SLC44A1: variants seen among roughly 807,000 people sequenced by gnomAD.
SLC44A1 encodes choline transporter-like protein 1.
SLC44A1 carries 26 observed loss-of-function variants against 79.3 expected under a neutral mutation model. That is an observed-to-expected ratio of 0.33 (90% confidence interval 0.24 to 0.46). SLC44A1 has a LOEUF of 0.46. Ranked by LOEUF, SLC44A1 falls within the 20% of genes least tolerant of loss-of-function variation. The pLI, the probability that SLC44A1 is intolerant of heterozygous loss-of-function variation, is 1.00. For synonymous variants in SLC44A1, 263 were observed against 286.2 expected, an observed-to-expected ratio of 0.92 and a Z score of 0.82; for missense variants, 688 against 798.1, an observed-to-expected ratio of 0.86 and a Z score of 1.66.
intron 4 of SLC44A1, among the ~76,000 whole-genome samples, chr9:105,338,181 A>T (rs1826981402): frequency 6.6e-6 from 1 of 152,228 alleles, no homozygotes; most frequent in African/African-American, 2.4e-5. Context: ...GTAAAATTAT[A>T]TCAGAGAGAG....
At chr9:105,429,551 C>T (rs1173762225) in intron 15 of SLC44A1, among the ~76,000 whole-genome samples, 1 of 152,190 alleles carries the variant, frequency 6.6e-6, no homozygotes, top group African/African-American at 2.4e-5. Flanking sequence ...TATCCTCCTG[C>T]GTTGACCTCT....
At chr9:105,404,500 A>T (rs999436272) in intron 15 of SLC44A1, among the ~76,000 whole-genome samples, 1 of 152,178 alleles carries the variant, frequency 6.6e-6, no homozygotes, top group Non-Finnish European at 1.5e-5. Context: ...AAAAGCACTG[A>T]TGTAGGATTT....
chr9:105,348,348 C>G lies in SLC44A1; in HGVS notation c.407-10C>G, dbSNP rs1827302264. On this transcript the variant is annotated splice_polypyrimidine_tract_variant and intron_variant, in intron 4 of 15. Transcript: ENST00000374720. ...TGTTCTGCCACCTAACATAATTTTT[C>G]TTTCAACAGGTTCAGCCCTATGTAG... The G allele has an allele frequency of 1.3e-6, 2 of 1,533,340 alleles. No homozygotes were observed. Among genetic ancestry groups the G allele is most frequent in the Non-Finnish European group, 1.8e-6 (2 of 1,113,036 alleles). The allele number at this position is 1,533,340 out of a possible 1,614,324, so 95.0% of individuals were successfully genotyped here.
chr9:105,417,246 CT>C lies in SLC44A1; in HGVS notation c.1951-21034del, dbSNP rs1329415021. ...ATGAAATAAACCAATTCATTGTTTT[CT>C]GCATAATTTCACATGCTTTTAAAAT... On this transcript the variant is annotated intron_variant, in intron 15 of 15. Coordinates refer to the SLC44A1 transcript ENST00000374724. 3.9e-5 allele frequency among the ~76,000 whole-genome samples: 6 copies of C among 152,292 alleles called. 1 individual carries two copies. Among genetic ancestry groups the C allele is most frequent in the South Asian group, 4.1e-4 (2 of 4,824 alleles).
Position 105,438,314 on chromosome 9 carries a change from A to T in SLC44A1, c.*19A>T, listed in dbSNP as rs772388330. On this transcript the variant is annotated 3_prime_UTR_variant, in exon 16 of 16. Transcript: ENST00000374724. ...AAGGTGACTGGTCTCATGAGCCCTGAAGAATGAACTCAGAGGAGGTTGTTT... is the reference window on the plus strand; with the variant it reads ...AAGGTGACTGGTCTCATGAGCCCTGTAGAATGAACTCAGAGGAGGTTGTTT... 5 of 1,549,090 alleles carry T rather than the reference A, an allele frequency of 3.2e-6. No individual in the cohort carries two copies. In the South Asian group the frequency reaches 6.0e-5, roughly 18 times the overall value.
At chr9:105,281,003 G>A (rs1830337500) in intron 1 of SLC44A1, among the ~76,000 whole-genome samples, 2 of 152,180 alleles carry the variant, frequency 1.3e-5, no homozygotes, top group Non-Finnish European at 2.9e-5. Flanking sequence ...CCAGCCCACC[G>A]AGGTGAACCT....
At position 105,392,541 on chromosome 9, in the gene SLC44A1, AG is replaced by A. The variant is rs1828789569; in HGVS notation, c.*3490del. On this transcript the variant is annotated 3_prime_UTR_variant, in exon 16 of 16. Coordinates refer to ENST00000374720, the MANE Select transcript of SLC44A1 (RefSeq NM_080546.5). ...GGCAGTTTTAGGATTTCACCCTAGT[AG>A]GGGGTATGAGGCACTGACCCCTTTA... is the stretch of plus-strand genomic sequence containing the variant. The A allele has an allele frequency of 1.5e-5, 15 of 984,044 alleles. No individual in the cohort carries two copies. The highest frequency in any genetic ancestry group is 1.8e-5 in the Non-Finnish European group (15 of 829,772). 61.0% of individuals were successfully genotyped at this position (984,044 alleles called of 1,614,324 possible).
chr9:105,353,432 GA>G (rs34301462), intron 5 of SLC44A1, among the ~76,000 whole-genome samples: 15,179 of 151,646 alleles, frequency 0.1, 1,936 homozygotes, highest in African/African-American at 0.3. Context: ...AATTTGAAAA[GA>G]AAAAAAACAC....
Position 105,391,315 on chromosome 9 carries a change from GAAAGAAA to G in SLC44A1, c.*2260_*2266del, listed in dbSNP as rs1828758174. The G allele has an allele frequency of 2.0e-6, 2 of 985,636 alleles. No homozygotes were observed. The highest frequency in any genetic ancestry group is 2.4e-6 in the Non-Finnish European group (2 of 829,876). The allele number at this position is 985,636 out of a possible 1,614,324, so 61.1% of individuals were successfully genotyped here. ...TCATTTGCAACTAGAACTGTAATCA[GAAAGAAA>G]TTTTGTATTTTTGTATAACTTGATT... is the stretch of plus-strand genomic sequence containing the variant. On this transcript the variant is annotated 3_prime_UTR_variant, in exon 16 of 16. Coordinates refer to ENST00000374720, the MANE Select transcript of SLC44A1 (RefSeq NM_080546.5).
chr9:105,438,244 G>A lies in SLC44A1; in HGVS notation c.1951-37G>A, dbSNP rs551797516. 1.2e-4 allele frequency: 180 copies of A among 1,542,778 alleles called. No individual in the cohort carries two copies. In the East Asian group the frequency reaches 4.3e-3, roughly 37 times the overall value. On this transcript the variant is annotated intron_variant, in intron 15 of 15. Transcript: ENST00000374724. Reference sequence around the variant, plus strand: ...CTTCTCATTGTGTCATGTTCCCCTAGGACAGAAGCATTCATTTTCTTGATG... The same window carrying A: ...CTTCTCATTGTGTCATGTTCCCCTAAGACAGAAGCATTCATTTTCTTGATG...
At chr9:105,266,514 T>G (rs913399744) in intron 1 of SLC44A1, among the ~76,000 whole-genome samples, 3 of 152,190 alleles carry the variant, frequency 2.0e-5, no homozygotes, top group African/African-American at 7.2e-5. Context: ...AGTTGGTTTT[T>G]TGTGTGTGTG....
chr9:105,395,037 AG>A lies in SLC44A1; in HGVS notation c.*5985del. 1.0e-6 allele frequency: 1 copy of A among 985,510 alleles called. No homozygotes were observed. The highest frequency in any genetic ancestry group is 4.7e-5 in the South Asian group (1 of 21,288). The allele number at this position is 985,510 out of a possible 1,614,324, so 61.0% of individuals were successfully genotyped here. A position where few individuals can be genotyped will look rare whatever the true frequency, so the allele number is the denominator to read the frequency against. ...TGAAAAAGCAGGCAGAAACTCATCA[AG>A]GGGTTTGAAGTTCTTGTGAAATTTG... On this transcript the variant is annotated 3_prime_UTR_variant, in exon 16 of 16. Transcript: ENST00000374720.
At chr9:105,324,070 A>C (rs558247744) in intron 3 of SLC44A1, among the ~76,000 whole-genome samples, 140 of 151,564 alleles carry the variant, frequency 9.2e-4, no homozygotes, top group Admixed American at 1.3e-3. Flanking sequence ...GGTGCGATCT[A>C]GGCTCACTGC....
chr9:105,245,153 T>C (rs1829403293), intron 1 of SLC44A1, among the ~76,000 whole-genome samples: 1 of 151,288 alleles, frequency 6.6e-6, no homozygotes, highest in African/African-American at 2.4e-5. Context: ...TCCCGGCCCC[T>C]TCCCCAGTCG....
At chr9:105,435,075 A>G (rs1829446627) in intron 15 of SLC44A1, among the ~76,000 whole-genome samples, 1 of 151,948 alleles carries the variant, frequency 6.6e-6, no homozygotes, top group African/African-American at 2.4e-5. Context: ...TGAGCCTGGG[A>G]GGTCAAGGCT....
At chr9:105,320,292 CT>C (rs34573916) in intron 3 of SLC44A1, among the ~76,000 whole-genome samples, 25,413 of 118,946 alleles carry the variant, frequency 0.21, 2,060 homozygotes, top group African/African-American at 0.23. Flanking sequence ...CAATATTTAA[CT>C]TTTTTTTTTT....
intron 12 of SLC44A1, among the ~76,000 whole-genome samples, chr9:105,372,853 G>A (rs897888437): frequency 7.4e-5 from 11 of 148,720 alleles, no homozygotes; most frequent in African/African-American, 2.4e-4. Flanking sequence ...GGGAGGCTGA[G>A]GCAGGAGAAT....
Position 105,393,887 on chromosome 9 carries a change from C to T in SLC44A1, c.*4831C>T. On this transcript the variant is annotated 3_prime_UTR_variant, in exon 16 of 16. Coordinates refer to ENST00000374720, the MANE Select transcript of SLC44A1 (RefSeq NM_080546.5). ...GAATAATAAAGCTTTTATTAATGGT[C>T]TAGTGAAGATCTAGTTGAACATGGA... 1 of 984,664 alleles carries T rather than the reference C, an allele frequency of 1.0e-6. No individual in the cohort carries two copies. The highest frequency in any genetic ancestry group is 1.2e-6 in the Non-Finnish European group (1 of 829,306). 61.0% of individuals were successfully genotyped at this position (984,664 alleles called of 1,614,324 possible).
intron 15 of SLC44A1, among the ~76,000 whole-genome samples, chr9:105,407,447 T>C (rs540162347): frequency 6.6e-6 from 1 of 152,326 alleles, no homozygotes; most frequent in Non-Finnish European, 1.5e-5. Flanking sequence ...TCACTACATA[T>C]AAGTGATCCT....
Sources: allele counts gnomAD v4.1 joint callset (sites outside exome capture counted in the v4.1 genomes callset), GRCh38; gene constraint gnomAD v4.1.1; transcripts MANE v1.5; gene names NCBI Gene and HGNC (gene_info 2026-07-23, HGNC 2026-07-21).